Variants in ULK4 observed in about 807,000 individuals in gnomAD.
ULK4 encodes the protein inactive serine/threonine-protein kinase ULK4.
Under a neutral mutation model 160.6 loss-of-function variants are expected in ULK4, and 133 were observed. The ratio of observed to expected loss-of-function variants is 0.83; its 90% CI spans 0.72 to 0.96. The LOEUF is 0.96. Ranked by LOEUF, ULK4 falls within the 40% of genes least tolerant of loss-of-function variation. The pLI is 0.00. For synonymous variants in ULK4, 534 were observed against 539.8 expected (o/e 0.99, Z 0.15); for missense variants, 1,580 against 1,499.5 (o/e 1.05, Z -0.89).
chr3:41,599,794 G>A (rs1276712352), intron 31 of ULK4, among the ~76,000 whole-genome samples: 1 of 151,808 alleles, frequency 6.6e-6, no homozygotes, highest in African/African-American at 2.4e-5. Context: ...CGAACTCCCG[G>A]CCTCAAGTTA....
At chr3:41,616,870 G>A (rs1290456843) in intron 30 of ULK4, among the ~76,000 whole-genome samples, 18 of 152,198 alleles carry the variant, frequency 1.2e-4, no homozygotes, top group Non-Finnish European at 4.4e-5. Flanking sequence ...AGCCCAGCAA[G>A]CTAAGAACCA....
chr3:41,659,811 A>G (rs2035080777), intron 30 of ULK4, among the ~76,000 whole-genome samples: 1 of 152,228 alleles, frequency 6.6e-6, no homozygotes, highest in Non-Finnish European at 1.5e-5. Flanking sequence ...ACAAGATTAG[A>G]AACAAGTCTA....
intron 32 of ULK4, among the ~76,000 whole-genome samples, chr3:41,487,963 A>C (rs968209093): frequency 7.7e-6 from 1 of 129,756 alleles, no homozygotes; most frequent in Non-Finnish European, 1.7e-5. Context: ...AAGGACAGCT[A>C]TTTACCAAAG....
At chr3:41,476,206 G>A (rs187927550) in intron 32 of ULK4, among the ~76,000 whole-genome samples, 38 of 152,282 alleles carry the variant, frequency 2.5e-4, no homozygotes, top group African/African-American at 8.9e-4. Flanking sequence ...ACCTTACCTA[G>A]TGGGAATTGA....
At chr3:41,954,025 T>C (rs1700394874) in intron 2 of ULK4, among the ~76,000 whole-genome samples, 1 of 151,506 alleles carries the variant, frequency 6.6e-6, no homozygotes, top group Non-Finnish European at 1.5e-5. Context: ...TTACTAAAAA[T>C]ACAAAAATTA....
intron 35 of ULK4, among the ~76,000 whole-genome samples, chr3:41,271,601 C>T (rs991444172): frequency 6.6e-6 from 1 of 152,084 alleles, no homozygotes; most frequent in African/African-American, 2.4e-5. Context: ...ACGATGTTGG[C>T]CAGGCTGGTC....
intron 35 of ULK4, among the ~76,000 whole-genome samples, chr3:41,355,753 CT>C (rs1446848542): frequency 6.6e-6 from 1 of 152,124 alleles, no homozygotes; most frequent in African/African-American, 2.4e-5. Context: ...ACAGATTAGA[CT>C]TGTTATAAAT....
intron 35 of ULK4, among the ~76,000 whole-genome samples, chr3:41,374,164 A>G (rs1186348817): frequency 1.3e-5 from 2 of 152,258 alleles, no homozygotes; most frequent in East Asian, 1.9e-4. Flanking sequence ...CAAACAAAAA[A>G]AGCCCAAGAC....
chr3:41,800,319 T>TATTA (rs149544106), intron 19 of ULK4, 26 bp from the exon 20 acceptor site: 210,734 of 1,576,994 alleles, frequency 0.13, 15,378 homozygotes, highest in Middle Eastern at 0.22. Context: ...ATTAAAATAA[T>TATTA]ATTAGTGTGA....
At chr3:41,729,111 G>A (rs2037742887) in intron 22 of ULK4, among the ~76,000 whole-genome samples, 1 of 152,076 alleles carries the variant, frequency 6.6e-6, no homozygotes, top group Non-Finnish European at 1.5e-5. Context: ...GTACAGCAGG[G>A]GAGTGGCAGA....
chr3:41,816,403 G>A (rs1218152023), intron 19 of ULK4, among the ~76,000 whole-genome samples: 1 of 151,972 alleles, frequency 6.6e-6, no homozygotes, highest in East Asian at 1.9e-4. Context: ...GAAGCAATAG[G>A]AAAAAAACAA....
chr3:41,601,760 C>T (rs1030448588), intron 31 of ULK4, among the ~76,000 whole-genome samples: 4 of 152,158 alleles, frequency 2.6e-5, no homozygotes, highest in Non-Finnish European at 4.4e-5. Flanking sequence ...CAGTGCAACT[C>T]AAACCCACTA....
At chr3:41,931,147 A>G (rs1699581307) in intron 5 of ULK4, among the ~76,000 whole-genome samples, 1 of 152,236 alleles carries the variant, frequency 6.6e-6, no homozygotes, top group South Asian at 2.1e-4. Context: ...AATACTATGC[A>G]GCCATAAAAA....
At chr3:41,775,971 T>G (rs551333861) in intron 21 of ULK4, among the ~76,000 whole-genome samples, 2 of 151,118 alleles carry the variant, frequency 1.3e-5, no homozygotes, top group Admixed American at 1.3e-4. Context: ...CAAACACTAC[T>G]GTGATAAATA....
At chr3:41,822,341 A>G (rs564318198) in intron 18 of ULK4, among the ~76,000 whole-genome samples, 15 of 151,724 alleles carry the variant, frequency 9.9e-5, no homozygotes, top group Non-Finnish European at 2.1e-4. Flanking sequence ...AGGCAAATAC[A>G]TTTTCTTCCT....
chr3:41,397,203 A>G (rs1157150344), intron 35 of ULK4, among the ~76,000 whole-genome samples: 2 of 152,122 alleles, frequency 1.3e-5, no homozygotes, highest in Admixed American at 1.3e-4. Flanking sequence ...GCAGGGAAAG[A>G]TTTACTGTAG....
intron 35 of ULK4, among the ~76,000 whole-genome samples, chr3:41,266,007 G>A (rs2079025766): frequency 6.6e-6 from 1 of 152,318 alleles, no homozygotes; most frequent in Non-Finnish European, 1.5e-5. Flanking sequence ...CCAGCAGAAT[G>A]TGTATGCACA....
chr3:41,506,508 T>C (rs1575325147), intron 32 of ULK4, among the ~76,000 whole-genome samples: 2 of 152,136 alleles, frequency 1.3e-5, no homozygotes, highest in East Asian at 1.9e-4. Context: ...AAATCCTGGA[T>C]TGTAGTCATT....
chr3:41,660,722 C>T (rs979087983), intron 30 of ULK4, among the ~76,000 whole-genome samples: 1 of 152,102 alleles, frequency 6.6e-6, no homozygotes, highest in Non-Finnish European at 1.5e-5. Flanking sequence ...TCAGCCATAA[C>T]TGACATGAGG....
Sources: gnomAD v4.1 joint callset for allele counts (sites outside exome capture counted in the v4.1 genomes callset) on GRCh38, gnomAD v4.1.1 for gene constraint, MANE v1.5 for transcripts, NCBI Gene and HGNC (gene_info 2026-07-23, HGNC 2026-07-21) for gene names.